RASGEF1C: variants seen among roughly 807,000 people sequenced by gnomAD.
RASGEF1C encodes RasGEF domain family member 1C.
Under a neutral mutation model 58.1 loss-of-function variants are expected in RASGEF1C, and 27 were observed. The observed-to-expected ratio is 0.46, with a 90% CI of 0.34 to 0.64. The LOEUF (loss-of-function observed/expected upper bound fraction) is 0.64, where lower values mean the gene tolerates loss of function less well. Among genes scored for constraint, RASGEF1C ranks in the 30% least tolerant of loss-of-function variants. The pLI, the probability that RASGEF1C is intolerant of heterozygous loss-of-function variation, is 0.01. For synonymous variants in RASGEF1C, 243 were observed against 246.3 expected (o/e 0.99, Z 0.13); for missense variants, 502 against 605.1 (o/e 0.83, Z 1.79).
intron 1 of RASGEF1C, among the ~76,000 whole-genome samples, chr5:180,172,811 G>A (rs1431361949): frequency 3.3e-5 from 5 of 152,060 alleles, no homozygotes; most frequent in South Asian, 2.1e-4. Flanking sequence ...GCCACCCTGC[G>A]CTTCTCACCT....
Position 180,137,678 on chromosome 5 carries a change from C to T in RASGEF1C, c.212G>A (p.Arg71His). 6.2e-7 allele frequency: 1 copy of T among 1,612,880 alleles called. No homozygotes were observed. Among genetic ancestry groups the T allele is most frequent in the South Asian group, 1.1e-5 (1 of 91,070 alleles). Residue 71 changes from arginine (R) to histidine (H), a missense_variant, in exon 3 of 14, where the codon CGC (arginine) becomes CAC (histidine). By Grantham distance (29) the Arg-to-His change is conservative (BLOSUM62 0). Coordinates refer to ENST00000361132, the MANE Select transcript of RASGEF1C (RefSeq NM_175062.4). This position sits in a 1 kb window ranked among gnomAD's most constrained non-coding sequence, Gnocchi z 4.1. The stretch of plus-strand genomic sequence containing the variant: ...GAGCTCCCGGGGCTCGATGAAGAGG[C>T]GAGAGCTCAGCAGGAAGGTGAAGAT... ...AYIFTFLLSS[R>H]LFIEPRELLA...
Position 180,137,942 on chromosome 5 carries a change from C to T in RASGEF1C, c.111G>A (p.Ala37=), listed in dbSNP as rs766302866. The T allele has an allele frequency of 1.4e-5, 22 of 1,612,708 alleles. No homozygotes were observed. The East Asian group carries it at 2.2e-4, about 16-fold the overall frequency. The change falls in exon 2 of 14, where the codon GCG becomes GCA. Residue 37 remains alanine (A), a synonymous_variant. Transcript: ENST00000361132. The surrounding 1 kb of genome is among the most constrained non-coding windows in gnomAD (Gnocchi z 4.1). ...EQAGQPLLDG[A]PSSASLETLI... ...GTGTTTCCAGGGAGGCTGAGGATGG[C>T]GCTCCATCCAGGAGGGGCTGCCCAG...
At position 180,127,626 on chromosome 5, in the gene RASGEF1C, G is replaced by A; in HGVS notation, c.697C>T (p.Pro233Ser). The A allele has an allele frequency of 6.2e-7, 1 of 1,613,062 alleles. No homozygotes were observed. Among genetic ancestry groups the A allele is most frequent in the Non-Finnish European group, 8.5e-7 (1 of 1,179,674 alleles). The stretch of plus-strand genomic sequence containing the variant: ...CCTCCTACCTTTGTGCTGGCCAGAG[G>A]GTCCTTGTTCACAAAGGCCTGGACA... The part of the protein sequence containing the change: ...EFVQAFVNKD[P>S]LASTKPCFSD... The change falls in exon 6 of 14, where the codon CCT (proline) becomes TCT (serine). Residue 233 changes from proline to serine, a missense_variant. Physicochemically the swap from Pro to Ser is moderately conservative, Grantham distance 74. Coordinates refer to ENST00000361132, the MANE Select transcript of RASGEF1C (RefSeq NM_175062.4).
intron 1 of RASGEF1C, among the ~76,000 whole-genome samples, chr5:180,147,556 A>G (rs1051843559): frequency 2.0e-5 from 3 of 152,080 alleles, no homozygotes; most frequent in East Asian, 1.9e-4. Context: ...TCTTCAATGC[A>G]TAGGTTGTTT....
At chr5:180,173,739 C>T (rs568358782) in intron 1 of RASGEF1C, among the ~76,000 whole-genome samples, 17 of 152,052 alleles carry the variant, frequency 1.1e-4, no homozygotes, top group African/African-American at 3.1e-4. Flanking sequence ...ATGGTGAAAC[C>T]CCGTCTCTAC....
At chr5:180,123,307 C>T (rs953993805) in intron 6 of RASGEF1C, among the ~76,000 whole-genome samples, 5 of 152,238 alleles carry the variant, frequency 3.3e-5, no homozygotes, top group Non-Finnish European at 5.9e-5. Context: ...ACACACATGA[C>T]GGTAACTAGT....
chr5:180,101,355 G>T lies in RASGEF1C; in HGVS notation c.*146C>A, dbSNP rs943602247. 4 of 824,430 alleles carry T rather than the reference G, an allele frequency of 4.9e-6. No homozygotes were observed. Among genetic ancestry groups the T allele is most frequent in the South Asian group, 1.7e-5 (1 of 58,670 alleles). The allele number at this position is 824,430 out of a possible 1,614,324, so 51.1% of individuals were successfully genotyped here. ...CCTGTGCCCGTATGGCCACTGTGGG[G>T]GGGGGGGGGGCGGGCAGCAGGCCAC... On this transcript the variant is annotated 3_prime_UTR_variant, in exon 14 of 14. Transcript: ENST00000361132.
Position 180,181,942 on chromosome 5 carries a change from G to A in RASGEF1C, c.-7+27086C>T, listed in dbSNP as rs1184106618. On this transcript the variant is annotated intron_variant, in intron 1 of 13. Coordinates refer to ENST00000361132, the MANE Select transcript of RASGEF1C (RefSeq NM_175062.4). ...CCATGGGCCGGGCGCAGTGGCTCAC[G>A]CCTGTAATCCTAGCACTTTGGGAGG... is the stretch of plus-strand genomic sequence containing the variant. 3.3e-5 allele frequency among the ~76,000 whole-genome samples: 5 copies of A among 151,106 alleles called. No individual in the cohort carries two copies. The South Asian group carries it at 1.1e-3, about 32-fold the overall frequency.
At chr5:180,162,640 G>C (rs1301435168) in intron 1 of RASGEF1C, among the ~76,000 whole-genome samples, 1 of 152,228 alleles carries the variant, frequency 6.6e-6, no homozygotes, top group African/African-American at 2.4e-5. Flanking sequence ...CTTTTTACCG[G>C]TGTGAATTGT....
At chr5:180,102,731 G>C (rs184174159) in intron 12 of RASGEF1C, among the ~76,000 whole-genome samples, 343 of 151,614 alleles carry the variant, frequency 2.3e-3, no homozygotes, top group African/African-American at 8.0e-3. Context: ...TCTCTTTCTG[G>C]GTTCTCTATT....
rs1326563164 is a variant in RASGEF1C, at chr5:180,156,318, T to C, written c.-6-18260A>G. Among the ~76,000 whole-genome samples, 2 of 152,208 alleles carry C rather than the reference T, an allele frequency of 1.3e-5. No individual in the cohort carries two copies. The highest frequency in any genetic ancestry group is 4.8e-5 in the African/African-American group (2 of 41,444). On this transcript the variant is annotated intron_variant, in intron 1 of 13. Transcript: ENST00000361132. This position sits in a 1 kb window ranked among gnomAD's most constrained non-coding sequence, Gnocchi z 4.9. ...GATCAGTCTCCAGGCTGTGGTCTGATTCCCGCTTCTCTGGGAGCTGACAAG... is the reference window on the plus strand; with the variant it reads ...GATCAGTCTCCAGGCTGTGGTCTGACTCCCGCTTCTCTGGGAGCTGACAAG...
At chr5:180,129,805 C>G (rs1425877899) in intron 4 of RASGEF1C, among the ~76,000 whole-genome samples, 1 of 152,196 alleles carries the variant, frequency 6.6e-6, no homozygotes, top group African/African-American at 2.4e-5. Flanking sequence ...GCATCTCACT[C>G]TGAGTTAGAC....
intron 1 of RASGEF1C, among the ~76,000 whole-genome samples, chr5:180,190,426 C>G (rs1239645696): frequency 1.7e-4 from 25 of 143,464 alleles, no homozygotes; most frequent in Non-Finnish European, 2.4e-4. Flanking sequence ...GGAGGCGGAG[C>G]TTGCAGTGAG....
At chr5:180,106,313 TC>T (rs1561728634) in intron 12 of RASGEF1C, among the ~76,000 whole-genome samples, 1 of 152,236 alleles carries the variant, frequency 6.6e-6, no homozygotes, top group Non-Finnish European at 1.5e-5. Flanking sequence ...CTTATTTCCA[TC>T]CTGCTGCTGG....
At chr5:180,103,243 A>G (rs1000997042) in intron 12 of RASGEF1C, among the ~76,000 whole-genome samples, 4 of 151,966 alleles carry the variant, frequency 2.6e-5, no homozygotes, top group Non-Finnish European at 4.4e-5. Flanking sequence ...ACGCCCGGCT[A>G]ATGTTTTGTA....
chr5:180,194,180 G>A (rs1756221823), intron 1 of RASGEF1C, among the ~76,000 whole-genome samples: 2 of 152,294 alleles, frequency 1.3e-5, no homozygotes, highest in African/African-American at 4.8e-5. Context: ...GAGGGCAGCC[G>A]AACGCGCGAG....
In RASGEF1C at chr5:180,113,182, C is replaced by T. The variant is rs376879519; in HGVS notation, c.1179+1264G>A. Among the ~76,000 whole-genome samples the T allele has an allele frequency of 3.6e-4, 36 of 99,150 alleles. 3 individuals carry two copies. Among genetic ancestry groups the T allele is most frequent in the African/African-American group, 9.3e-4 (25 of 26,986 alleles). The allele number at this position is 99,150 out of a possible 152,430, so 65.0% of individuals were successfully genotyped here. A position where few individuals can be genotyped will look rare whatever the true frequency, so the allele number is the denominator to read the frequency against. ...GCTGGACGGAGGGACCGGGGATGGA[C>T]GGAGGGATCCAGGATGGACAGAGGG... On this transcript the variant is annotated intron_variant, in intron 11 of 13. Transcript: ENST00000361132.
At chr5:180,185,573 G>A (rs926938495) in intron 1 of RASGEF1C, among the ~76,000 whole-genome samples, 5 of 150,022 alleles carry the variant, frequency 3.3e-5, no homozygotes, top group Non-Finnish European at 1.5e-5. Flanking sequence ...TGACAAGAGT[G>A]AAACTCCATC....
At chr5:180,136,647 AG>A (rs1318233617) in intron 3 of RASGEF1C, 132 bp from the exon 4 acceptor site, 9 of 975,438 alleles carry the variant, frequency 9.2e-6, no homozygotes, top group South Asian at 1.7e-5. Context: ...AGGGAGGAGG[AG>A]GGGGGTGCGA....
Sources: allele counts gnomAD v4.1 joint callset (sites outside exome capture counted in the v4.1 genomes callset), GRCh38; gene constraint gnomAD v4.1.1; non-coding constraint Gnocchi (gnomAD v3.1); transcripts MANE v1.5; gene names NCBI Gene and HGNC (gene_info 2026-07-23, HGNC 2026-07-21).